CFAP61: variants seen among roughly 807,000 people sequenced by gnomAD.
CFAP61 encodes the protein cilia- and flagella-associated protein 61.
A neutral mutation model predicts 135.6 loss-of-function variants in CFAP61; 107 were observed. That is an observed-to-expected ratio of 0.79 (90% CI 0.67 to 0.93). The LOEUF (loss-of-function observed/expected upper bound fraction) is 0.93, where lower values mean the gene tolerates loss of function less well. Ranked by LOEUF, CFAP61 falls within the 40% of genes least tolerant of loss-of-function variation. The probability of loss-of-function intolerance (pLI) is 0.00; values close to 1 mark genes in which losing one functional copy is unlikely to be tolerated. For synonymous variants in CFAP61, 575 were observed against 578.5 expected, an observed-to-expected ratio of 0.99 and a Z score of 0.09; for missense variants, 1,507 against 1,556.2, an observed-to-expected ratio of 0.97 and a Z score of 0.53.
intron 17 of CFAP61, among the ~76,000 whole-genome samples, chr20:20,212,845 T>G (rs2047753397): frequency 6.6e-6 from 1 of 152,186 alleles, no homozygotes; most frequent in Non-Finnish European, 1.5e-5. Flanking sequence ...ACTGATCATG[T>G]GGTGGGCCCA....
At chr20:20,134,257 C>T (rs2146727809) in intron 8 of CFAP61, among the ~76,000 whole-genome samples, 1 of 152,242 alleles carries the variant, frequency 6.6e-6, no homozygotes, top group African/African-American at 2.4e-5. Flanking sequence ...TTGGAGCTTT[C>T]TAGGTGAATA....
At position 20,080,085 on chromosome 20, in the gene CFAP61, C is replaced by A. The variant is rs144952391; in HGVS notation, c.566+4470C>A. Among the ~76,000 whole-genome samples, 862 of 151,984 alleles carry A rather than the reference C, an allele frequency of 5.7e-3. 6 individuals are homozygous for A. In the Middle Eastern group the frequency reaches 0.061, roughly 11 times the overall value. On this transcript the variant is annotated intron_variant, in intron 6 of 26. Coordinates refer to ENST00000245957, the MANE Select transcript of CFAP61 (RefSeq NM_015585.4). ...ATTTTAAAATCTCTCATTTTTTATG[C>A]CATTTACTAATTTTTTGGGGAGATG...
At chr20:20,215,131 G>T (rs2047952281) in intron 17 of CFAP61, 3 of 152,100 alleles carry the variant, frequency 2.0e-5, no homozygotes, top group Admixed American at 2.0e-4. Flanking sequence ...TTTTGGAGAC[G>T]CGTGCTCATC....
intron 25 of CFAP61, among the ~76,000 whole-genome samples, chr20:20,315,752 A>G (rs1027712242): frequency 6.6e-6 from 1 of 152,214 alleles, no homozygotes; most frequent in Admixed American, 6.5e-5. Context: ...AGCTTTCTAC[A>G]TATGGCTAGC....
intron 9 of CFAP61, among the ~76,000 whole-genome samples, chr20:20,145,327 A>G (rs559390041): frequency 1.3e-5 from 2 of 152,302 alleles, no homozygotes; most frequent in African/African-American, 4.8e-5. Context: ...TCACCTAATG[A>G]CAGTCTGTGA....
chr20:20,142,921 C>T lies in CFAP61; in HGVS notation c.924C>T (p.Val308=), dbSNP rs1395347451. The T allele has an allele frequency of 6.3e-7, 1 of 1,597,274 alleles. No homozygotes were observed. The highest frequency in any genetic ancestry group is 8.5e-7 in the Non-Finnish European group (1 of 1,170,562). Residue 308 remains valine, a synonymous_variant, in exon 9 of 27, where the codon GTC becomes GTT. Transcript: ENST00000245957. ...QKIVEELQEP[V]SPDTMENIQG... is the part of the protein sequence containing the mutation. ...TAGTCGAGGAGTTGCAGGAACCTGTCTCTCCAGATACCATGGAAAACATCC... is the reference window on the plus strand; with the variant it reads ...TAGTCGAGGAGTTGCAGGAACCTGTTTCTCCAGATACCATGGAAAACATCC...
intron 9 of CFAP61, among the ~76,000 whole-genome samples, chr20:20,144,258 A>G (rs1427267607): frequency 2.0e-5 from 3 of 152,232 alleles, no homozygotes; most frequent in African/African-American, 7.2e-5. Context: ...GTGGAGATAA[A>G]TCAATCAGTT....
At chr20:20,286,054 A>T (rs1295548925) in intron 22 of CFAP61, among the ~76,000 whole-genome samples, 6 of 151,276 alleles carry the variant, frequency 4.0e-5, no homozygotes, top group Non-Finnish European at 8.8e-5. Context: ...AAGGGAAATT[A>T]TCCCCATCCT....
rs184033073 is a variant in CFAP61 at position 20,090,855 on chromosome 20, A to G, written c.578A>G (p.His193Arg). 85 of 1,614,064 alleles carry G rather than the reference A, an allele frequency of 5.3e-5. 1 individual carries two copies. The East Asian group carries it at 1.3e-3, about 25-fold the overall frequency. The change falls in exon 7 of 27, where the codon CAT becomes CGT. Residue 193 changes from histidine (H) to arginine (R), a missense_variant. His to Arg is a conservative substitution (Grantham distance 29, BLOSUM62 0). Transcript: ENST00000245957. Reference protein sequence around the residue: ...LHVRKARVEDHDDLMPIFMRY... With the variant: ...LHVRKARVEDRDDLMPIFMRY... ...TTTCTATTAAACAGGGTGGAAGACC[A>G]TGACGATCTCATGCCAATATTTATG... is the stretch of plus-strand genomic sequence containing the variant.
intron 26 of CFAP61, among the ~76,000 whole-genome samples, chr20:20,344,267 G>A (rs922908379): frequency 1.1e-4 from 17 of 152,206 alleles, no homozygotes; most frequent in Non-Finnish European, 2.4e-4. Context: ...AGTGTGCGAT[G>A]GCACAGAAGA....
intron 17 of CFAP61, among the ~76,000 whole-genome samples, chr20:20,222,420 G>A (rs1035579779): frequency 9.2e-5 from 14 of 152,112 alleles, no homozygotes; most frequent in African/African-American, 3.4e-4. Context: ...TCTATCCAGT[G>A]TTAAGAAAAA....
intron 25 of CFAP61, among the ~76,000 whole-genome samples, chr20:20,340,688 G>A (rs987620513): frequency 4.6e-5 from 7 of 152,266 alleles, no homozygotes; most frequent in African/African-American, 1.2e-4. Context: ...GGAGGTGGCC[G>A]TAGACCCCCA....
chr20:20,257,613 AAAAAAAC>A (rs1278003785), intron 20 of CFAP61, among the ~76,000 whole-genome samples: 2 of 107,982 alleles, frequency 1.9e-5, no homozygotes, highest in Non-Finnish European at 3.9e-5. Flanking sequence ...GACTGTCTCA[AAAAAAAC>A]AAAAAAACAA....
chr20:20,333,935 G>A (rs1423757227), intron 25 of CFAP61, among the ~76,000 whole-genome samples: 1 of 152,104 alleles, frequency 6.6e-6, no homozygotes, highest in Non-Finnish European at 1.5e-5. Flanking sequence ...GGCTGGTCAG[G>A]ATTTCCCTCC....
chr20:20,253,660 C>A, intron 20 of CFAP61: 1 of 443,802 alleles, frequency 2.3e-6, no homozygotes, highest in South Asian at 1.8e-5. Flanking sequence ...CCAACTCCAC[C>A]TTTGTAACGT....
At chr20:20,124,426 T>C (rs939205454) in intron 8 of CFAP61, among the ~76,000 whole-genome samples, 2 of 151,892 alleles carry the variant, frequency 1.3e-5, no homozygotes, top group African/African-American at 4.9e-5. Context: ...TATGCTGATT[T>C]TGCTGACAGT....
At chr20:20,167,131 T>G (rs1321943071) in intron 12 of CFAP61, among the ~76,000 whole-genome samples, 1 of 152,236 alleles carries the variant, frequency 6.6e-6, no homozygotes, top group East Asian at 1.9e-4. Context: ...AGTCAACAAC[T>G]GTACTTCTCC....
At chr20:20,256,744 G>C (rs973359707) in intron 20 of CFAP61, among the ~76,000 whole-genome samples, 1 of 152,168 alleles carries the variant, frequency 6.6e-6, no homozygotes, top group Non-Finnish European at 1.5e-5. Context: ...CTGAAGAAGA[G>C]ACTCAAGGGA....
intron 6 of CFAP61, 79 bp downstream of exon 6, chr20:20,075,694 G>T (rs1255925947): frequency 2.0e-6 from 3 of 1,519,580 alleles, no homozygotes; most frequent in African/African-American, 1.4e-5. Flanking sequence ...AACTACCAAT[G>T]CTAAGTGACT....
Sources: gnomAD v4.1 joint callset for allele counts (sites outside exome capture counted in the v4.1 genomes callset) on GRCh38, gnomAD v4.1.1 for gene constraint, MANE v1.5 for transcripts, NCBI Gene and HGNC (gene_info 2026-07-23, HGNC 2026-07-21) for gene names.